Variants in C8orf82 observed in about 807,000 individuals in gnomAD.
The protein encoded by C8orf82 is UPF0598 protein C8orf82.
Under a neutral mutation model 15.0 loss-of-function variants are expected in C8orf82, and 24 were observed. The ratio of observed to expected loss-of-function variants is 1.60; its 90% CI spans 1.16 to 2.24. The LOEUF is 2.24. Ranked by LOEUF, C8orf82 falls within the 30% of genes most tolerant of loss-of-function variation. The pLI, the probability that C8orf82 is intolerant of heterozygous loss-of-function variation, is 0.00. For missense variants in C8orf82, 388 were observed against 317.4 expected (o/e 1.22, Z -1.69); for synonymous variants, 205 against 152.2 (o/e 1.35, Z -2.55).
At position 144,527,145 on chromosome 8, in the gene C8orf82, G is replaced by A. The variant is rs1816394580; in HGVS notation, c.*197C>T. ...CGCCGGAGTCGGGTGCGCGGGGGGC[G>A]CGCGCCGTGGGGAGCGGGGTGTCCG... On this transcript the variant is annotated 3_prime_UTR_variant, in exon 3 of 3. Transcript: ENST00000524821. The A allele has an allele frequency of 4.1e-6, 1 of 246,266 alleles. No homozygotes were observed. Among genetic ancestry groups the A allele is most frequent in the Admixed American group, 5.9e-5 (1 of 17,072 alleles). 15.3% of individuals were successfully genotyped at this position (246,266 alleles called of 1,614,324 possible).
intron 1 of C8orf82, 60 bp downstream of exon 1, chr8:144,528,701 G>A (rs1049219103): frequency 1.1e-5 from 1 of 93,182 alleles, no homozygotes; most frequent in Non-Finnish European, 1.7e-5. Context: ...CCCCCCCCCC[G>A]CCCCGCCCAG....
chr8:144,528,264 G>A, intron 1 of C8orf82, 192 bp from the exon 2 acceptor site: 10 of 1,501,236 alleles, frequency 6.7e-6, no homozygotes, highest in Non-Finnish European at 8.0e-6. Flanking sequence ...GCGTCTATGC[G>A]CACCTCTGCT....
chr8:144,528,124 G>A, intron 1 of C8orf82, 52 bp from the exon 2 acceptor site: 1 of 1,597,440 alleles, frequency 6.3e-7, no homozygotes, highest in South Asian at 1.1e-5. Flanking sequence ...GGTGGGGGCG[G>A]GGAAGCTCAG....
chr8:144,526,393 T>TC lies in C8orf82; in HGVS notation c.*948dup, dbSNP rs1359658222. 1 of 152,032 alleles carries TC rather than the reference T, an allele frequency of 6.6e-6. No homozygotes were observed. The allele number at this position is 152,032 out of a possible 1,614,324, so 9.4% of individuals were successfully genotyped here. ...GGCTCCAGGCCTGGCCCACTCAGCCTCCCCCAGGAAGGCTTCTCAAGTGGA... is the reference window on the plus strand; with the variant it reads ...GGCTCCAGGCCTGGCCCACTCAGCCTCCCCCCAGGAAGGCTTCTCAAGTGGA... On this transcript the variant is annotated 3_prime_UTR_variant, in exon 3 of 3. Coordinates refer to ENST00000524821, the MANE Select transcript of C8orf82 (RefSeq NM_001001795.2).
intron 2 of C8orf82, 53 bp downstream of exon 2, chr8:144,527,971 G>A (rs1427687791): frequency 6.3e-7 from 1 of 1,587,820 alleles, no homozygotes; most frequent in Non-Finnish European, 8.6e-7. Flanking sequence ...GAGCCCATCA[G>A]GGGCTGCCCG....
chr8:144,528,378 C>CA lies in C8orf82; in HGVS notation c.157-307dup, dbSNP rs1344928520. Reference sequence around the variant, plus strand: ...ACTACCTGGCCTGCTGCCTCCCGGACATGCAGCTGCCTTTTGACAGGGCTT... The same window carrying CA: ...ACTACCTGGCCTGCTGCCTCCCGGACAATGCAGCTGCCTTTTGACAGGGCTT... On this transcript the variant is annotated intron_variant, in intron 1 of 2. Coordinates refer to ENST00000524821, the MANE Select transcript of C8orf82 (RefSeq NM_001001795.2). The CA allele has an allele frequency of 2.0e-6, 3 of 1,499,432 alleles. No individual in the cohort carries two copies. The African/African-American group carries it at 4.1e-5, about 21-fold the overall frequency. The allele number at this position is 1,499,432 out of a possible 1,614,324, so 92.9% of individuals were successfully genotyped here.
At chr8:144,528,496 C>T (rs897399144) in intron 1 of C8orf82, 5 of 1,440,774 alleles carry the variant, frequency 3.5e-6, no homozygotes, top group African/African-American at 1.4e-5. Flanking sequence ...TCCGAAGCTG[C>T]ACAACGCAGC....
intron 1 of C8orf82, 114 bp from the exon 2 acceptor site, chr8:144,528,186 CT>C: frequency 6.5e-7 from 1 of 1,532,360 alleles, no homozygotes; most frequent in African/African-American, 1.4e-5. Flanking sequence ...ACTTTTCCTG[CT>C]TGTCTGTGCA....
At position 144,526,834 on chromosome 8, in the gene C8orf82, C is replaced by T. The variant is rs890367263; in HGVS notation, c.*508G>A. 1 of 152,266 alleles carries T rather than the reference C, an allele frequency of 6.6e-6. No individual in the cohort carries two copies. The highest frequency in any genetic ancestry group is 1.5e-5 in the Non-Finnish European group (1 of 68,066). 9.4% of individuals were successfully genotyped at this position (152,266 alleles called of 1,614,324 possible). A position where few individuals can be genotyped will look rare whatever the true frequency, so the allele number is the denominator to read the frequency against. ...CGGCCGGGCTCAGGGAGGGCGTGGCCTCCGCGTTCCCCATCCCCCTCCAGG... is the reference window on the plus strand; with the variant it reads ...CGGCCGGGCTCAGGGAGGGCGTGGCTTCCGCGTTCCCCATCCCCCTCCAGG... On this transcript the variant is annotated 3_prime_UTR_variant, in exon 3 of 3. Transcript: ENST00000524821.
At position 144,526,830 on chromosome 8, in the gene C8orf82, T is replaced by C. The variant is rs1409537864; in HGVS notation, c.*512A>G. ...TTTTCGGCCGGGCTCAGGGAGGGCG[T>C]GGCCTCCGCGTTCCCCATCCCCCTC... On this transcript the variant is annotated 3_prime_UTR_variant, in exon 3 of 3. Transcript: ENST00000524821. 6.6e-6 allele frequency: 1 copy of C among 152,040 alleles called. No homozygotes were observed. Among genetic ancestry groups the C allele is most frequent in the Non-Finnish European group, 1.5e-5 (1 of 68,008 alleles). The allele number at this position is 152,040 out of a possible 1,614,324, so 9.4% of individuals were successfully genotyped here.
At chr8:144,528,383 A>C (rs879914170) in intron 1 of C8orf82, 2 of 1,497,690 alleles carry the variant, frequency 1.3e-6, no homozygotes, top group Non-Finnish European at 1.8e-6. Context: ...CCGGACATGC[A>C]GCTGCCTTTT....
chr8:144,527,813 C>T (rs912670986), intron 2 of C8orf82, 26 bp from the exon 3 acceptor site: 6 of 1,590,322 alleles, frequency 3.8e-6, no homozygotes, highest in Non-Finnish European at 5.1e-6. Flanking sequence ...TGCGTGTACT[C>T]AGCGCGCTGG....
intron 2 of C8orf82, 29 bp from the exon 3 acceptor site, chr8:144,527,816 C>G (rs554366975): frequency 1.9e-6 from 3 of 1,588,574 alleles, no homozygotes; most frequent in Non-Finnish European, 2.6e-6. Flanking sequence ...GTGTACTCAG[C>G]GCGCTGGGCT....
Position 144,527,796 on chromosome 8 carries a change from T to C in C8orf82, c.206-9A>G, listed in dbSNP as rs202090473. On this transcript the variant is annotated splice_polypyrimidine_tract_variant and intron_variant, in intron 2 of 2. Coordinates refer to ENST00000524821, the MANE Select transcript of C8orf82 (RefSeq NM_001001795.2). The stretch of plus-strand genomic sequence containing the variant: ...GACCAGGAACTGCGGGTCTGGGGGA[T>C]GAAGGGTGCGTGTACTCAGCGCGCT... 1.9e-6 allele frequency: 3 copies of C among 1,593,764 alleles called. No homozygotes were observed. Among genetic ancestry groups the C allele is most frequent in the Non-Finnish European group, 2.5e-6 (3 of 1,177,198 alleles).
At chr8:144,528,352 G>A (rs961973533) in intron 1 of C8orf82, 2 of 1,508,952 alleles carry the variant, frequency 1.3e-6, no homozygotes, top group Non-Finnish European at 1.8e-6. Context: ...CCTCCGCGGA[G>A]ACTACCTGGC....
At chr8:144,528,609 C>CCGGGGGCGGGGGGGGGGGGGGGGGGG in intron 1 of C8orf82, 152 bp downstream of exon 1, 1 of 375,024 alleles carries the variant, frequency 2.7e-6, no homozygotes. Context: ...GCCCACCGCG[C>CCGGGGGCGGGGGGGGGGGGGGGGGGG]AGGCCCCGCC....
At chr8:144,528,705 CGCCCAGAGACCTCT>C in intron 1 of C8orf82, 42 bp downstream of exon 1, 1 of 576,528 alleles carries the variant, frequency 1.7e-6, no homozygotes, top group African/African-American at 2.2e-5. Flanking sequence ...CCCCCCGCCC[CGCCCAGAGACCTCT>C]CCCGGCCCCG....
At chr8:144,527,963 G>C (rs748940480) in intron 2 of C8orf82, 61 bp downstream of exon 2, 4 of 1,567,876 alleles carry the variant, frequency 2.6e-6, no homozygotes, top group Non-Finnish European at 3.5e-6. Context: ...GAGTCGGGGA[G>C]CCCATCAGGG....
rs1179094425 is a variant in C8orf82, at chr8:144,527,360, G to A, written c.633C>T (p.Leu211=). ...GCCCCGCTCAGGGCGACCGAGCCGC[G>A]AGCAGCAGCGGGGCCAGGTCCATGG... is the stretch of plus-strand genomic sequence containing the variant. ...ALTMDLAPLL[L]AARSP The change falls in exon 3 of 3, where the codon CTC becomes CTT. Residue 211 remains leucine, a synonymous_variant. Coordinates refer to ENST00000524821, the MANE Select transcript of C8orf82 (RefSeq NM_001001795.2). 1.1e-5 allele frequency: 13 copies of A among 1,214,022 alleles called. No homozygotes were observed. Among genetic ancestry groups the A allele is most frequent in the Non-Finnish European group, 1.3e-5 (13 of 971,356 alleles). The allele number at this position is 1,214,022 out of a possible 1,614,324, so 75.2% of individuals were successfully genotyped here.
Sources: gnomAD v4.1 joint callset for allele counts on GRCh38, gnomAD v4.1.1 for gene constraint, MANE v1.5 for transcripts, NCBI Gene and HGNC (gene_info 2026-07-23, HGNC 2026-07-21) for gene names.